PDAP1: variants seen among roughly 807,000 people sequenced by gnomAD.
PDAP1 encodes the protein 28 kDa heat- and acid-stable phosphoprotein.
Under a neutral mutation model 28.0 loss-of-function variants are expected in PDAP1, and 13 were observed. The observed-to-expected ratio is 0.46, with a 90% CI of 0.30 to 0.74. PDAP1 has a LOEUF of 0.74. Ranked by LOEUF, PDAP1 falls within the 30% of genes least tolerant of loss-of-function variation. The probability of loss-of-function intolerance (pLI) is 0.07; values close to 1 mark genes in which losing one functional copy is unlikely to be tolerated. For synonymous variants in PDAP1, 77 were observed against 85.1 expected, an observed-to-expected ratio of 0.91 and a Z score of 0.52; for missense variants, 150 against 230.0, an observed-to-expected ratio of 0.65 and a Z score of 2.25.
At chr7:99,407,603 G>A (rs369025580) in intron 1 of PDAP1, among the ~76,000 whole-genome samples, 1 of 152,190 alleles carries the variant, frequency 6.6e-6, no homozygotes, top group South Asian at 2.1e-4. Context: ...GCCAGGAGGT[G>A]GCCAGGCACT....
chr7:99,396,748 G>T lies in PDAP1; in HGVS notation c.488-8C>A. 1 of 1,611,030 alleles carries T rather than the reference G, an allele frequency of 6.2e-7. No individual in the cohort carries two copies. The highest frequency in any genetic ancestry group is 1.3e-5 in the African/African-American group (1 of 74,940). Reference sequence around the variant, plus strand: ...ATGTGGCATCGTCTTTTGCTGAGGGGTGGGAGAAGGGCAGGGGTTAAAACA... The same window carrying T: ...ATGTGGCATCGTCTTTTGCTGAGGGTTGGGAGAAGGGCAGGGGTTAAAACA... On this transcript the variant is annotated splice_region_variant and splice_polypyrimidine_tract_variant and intron_variant, in intron 5 of 5. Transcript: ENST00000350498.
chr7:99,408,269 A>G lies in PDAP1; in HGVS notation c.13+267T>C, dbSNP rs1434993885. Among the ~76,000 whole-genome samples, 3 of 152,002 alleles carry G rather than the reference A, an allele frequency of 2.0e-5. No individual in the cohort carries two copies. The East Asian group carries it at 5.8e-4, about 29-fold the overall frequency. ...ATTCCAGAACCCCTAGACCCGGAGAAGCGCATCCTAGATCCGGCTTTCTAG... is the reference window on the plus strand; with the variant it reads ...ATTCCAGAACCCCTAGACCCGGAGAGGCGCATCCTAGATCCGGCTTTCTAG... On this transcript the variant is annotated intron_variant, in intron 1 of 5. Transcript: ENST00000350498.
intron 5 of PDAP1, 145 bp downstream of exon 5, chr7:99,397,717 G>A (rs1303383043): frequency 3.4e-6 from 3 of 891,614 alleles, no homozygotes; most frequent in Non-Finnish European, 5.0e-6. Flanking sequence ...CACAGGGAGG[G>A]TGGCCCTCTC....
chr7:99,400,485 C>T, intron 3 of PDAP1, 61 bp from the exon 4 acceptor site: 2 of 1,597,224 alleles, frequency 1.3e-6, no homozygotes, highest in Non-Finnish European at 1.7e-6. Flanking sequence ...CTGAGGGCCA[C>T]TCCTGCCATC....
At chr7:99,405,359 C>CTTT (rs869126629) in intron 1 of PDAP1, among the ~76,000 whole-genome samples, 1 of 137,014 alleles carries the variant, frequency 7.3e-6, no homozygotes, top group Non-Finnish European at 1.6e-5. Flanking sequence ...GCCAGGGGCA[C>CTTT]TTTTTTTTTT....
intron 4 of PDAP1, 83 bp from the exon 5 acceptor site, chr7:99,398,096 G>A: frequency 6.5e-7 from 1 of 1,535,062 alleles, no homozygotes; most frequent in East Asian, 2.3e-5. Flanking sequence ...AAAGGCCAAG[G>A]ATTCGGCCTA....
intron 3 of PDAP1, among the ~76,000 whole-genome samples, chr7:99,402,246 AAAG>A: frequency 6.6e-6 from 1 of 150,426 alleles, no homozygotes; most frequent in African/African-American, 2.4e-5. Context: ...AAAAAAAAAA[AAAG>A]CATATCTGGT....
At chr7:99,402,573 C>CAAAAA (rs58448407) in intron 3 of PDAP1, among the ~76,000 whole-genome samples, 1 of 56,644 alleles carries the variant, frequency 1.8e-5, no homozygotes, top group African/African-American at 6.0e-5. Context: ...GACCCTGTCT[C>CAAAAA]AAAAAAAAAA....
chr7:99,407,795 G>A (rs890487326), intron 1 of PDAP1, among the ~76,000 whole-genome samples: 1 of 152,172 alleles, frequency 6.6e-6, no homozygotes, highest in Non-Finnish European at 1.5e-5. Context: ...CGGGCTAGAA[G>A]ATAGAGGACG....
At chr7:99,402,100 T>G (rs1051022072) in intron 3 of PDAP1, among the ~76,000 whole-genome samples, 2 of 151,424 alleles carry the variant, frequency 1.3e-5, no homozygotes, top group Non-Finnish European at 2.9e-5. Context: ...AAACGCTACC[T>G]CTACGGTAGT....
intron 2 of PDAP1, among the ~76,000 whole-genome samples, 176 bp from the exon 3 acceptor site, chr7:99,403,681 G>A (rs1794920873): frequency 6.6e-6 from 1 of 152,166 alleles, no homozygotes; most frequent in African/African-American, 2.4e-5. Flanking sequence ...ACCTGGGCCA[G>A]ACACAGGCAG....
At position 99,396,592 on chromosome 7, in the gene PDAP1, C is replaced by CA; in HGVS notation, c.*89dup. The CA allele has an allele frequency of 1.1e-6, 1 of 906,156 alleles. No individual in the cohort carries two copies. Among genetic ancestry groups the CA allele is most frequent in the Non-Finnish European group, 1.7e-6 (1 of 586,542 alleles). 56.1% of individuals were successfully genotyped at this position (906,156 alleles called of 1,614,324 possible). On this transcript the variant is annotated 3_prime_UTR_variant, in exon 6 of 6. Coordinates refer to ENST00000350498, the MANE Select transcript of PDAP1 (RefSeq NM_014891.7). ...GGCTCCTGGCCATGAGGGGCTGTTGCAGCGGCGCCAGGGCACAGGGTGGGC... is the reference window on the plus strand; with the variant it reads ...GGCTCCTGGCCATGAGGGGCTGTTGCAAGCGGCGCCAGGGCACAGGGTGGGC...
intron 1 of PDAP1, among the ~76,000 whole-genome samples, chr7:99,407,945 C>G (rs1584424873): frequency 6.6e-6 from 1 of 152,180 alleles, no homozygotes; most frequent in African/African-American, 2.4e-5. Context: ...CGTGGATTAC[C>G]TAGTTGAAGC....
Position 99,394,786 on chromosome 7 carries a change from A to G in PDAP1, c.*1896T>C, listed in dbSNP as rs1283036672. ...TAATAAAATGCAACTGTGTAAAAAA[A>G]AAAAAAAAAAAAAAAGTAATTATGG... On this transcript the variant is annotated 3_prime_UTR_variant, in exon 6 of 6. Coordinates refer to ENST00000350498, the MANE Select transcript of PDAP1 (RefSeq NM_014891.7). The G allele has an allele frequency of 8.1e-7, 1 of 1,228,890 alleles. No individual in the cohort carries two copies. The highest frequency in any genetic ancestry group is 1.0e-6 in the Non-Finnish European group (1 of 986,058). The allele number at this position is 1,228,890 out of a possible 1,614,324, so 76.1% of individuals were successfully genotyped here. A position where few individuals can be genotyped will look rare whatever the true frequency, so the allele number is the denominator to read the frequency against.
chr7:99,396,710 C>T lies in PDAP1; in HGVS notation c.518G>A (p.Arg173Gln), dbSNP rs1794772717. ...CTTATTCAGGGAGAGTGACTGCATT[C>T]GTTTTCCTGACAATGTGGCATCGTC... ...AKDDATLSGK[R>Q]MQSLSLNK Residue 173 changes from arginine to glutamine, a missense_variant, in exon 6 of 6, where the codon CGA (arginine) becomes CAA (glutamine). Transcript: ENST00000350498. 3.7e-6 allele frequency: 6 copies of T among 1,611,984 alleles called. No homozygotes were observed. Among genetic ancestry groups the T allele is most frequent in the South Asian group, 2.2e-5 (2 of 90,992 alleles).
intron 3 of PDAP1, among the ~76,000 whole-genome samples, chr7:99,401,686 G>A (rs938456301): frequency 6.7e-6 from 1 of 150,270 alleles, no homozygotes; most frequent in African/African-American, 2.4e-5. Flanking sequence ...TCTCCATGAA[G>A]AAGCTAAAAT....
chr7:99,398,505 A>G (rs1159727257), intron 4 of PDAP1, among the ~76,000 whole-genome samples: 1 of 152,240 alleles, frequency 6.6e-6, no homozygotes, highest in Non-Finnish European at 1.5e-5. Flanking sequence ...CTGCCTGGGC[A>G]ATATAGCAAG....
In PDAP1 at chr7:99,396,739, T is replaced by C. The variant is rs1794773467; in HGVS notation, c.489A>G (p.Ala163=). 2 of 1,611,976 alleles carry C rather than the reference T, an allele frequency of 1.2e-6. No homozygotes were observed. The highest frequency in any genetic ancestry group is 2.2e-5 in the East Asian group (1 of 44,890). Residue 163 remains alanine (A), a splice_region_variant and synonymous_variant, in exon 6 of 6, where the codon GCA becomes GCG. Coordinates refer to ENST00000350498, the MANE Select transcript of PDAP1 (RefSeq NM_014891.7). Reference sequence around the variant, plus strand: ...TTCCTGACAATGTGGCATCGTCTTTTGCTGAGGGGTGGGAGAAGGGCAGGG... The same window carrying C: ...TTCCTGACAATGTGGCATCGTCTTTCGCTGAGGGGTGGGAGAAGGGCAGGG... ...AARKKEEERK[A]KDDATLSGKR...
chr7:99,408,229 C>T (rs1426120831), intron 1 of PDAP1, among the ~76,000 whole-genome samples: 2 of 152,104 alleles, frequency 1.3e-5, no homozygotes, highest in African/African-American at 4.8e-5. Flanking sequence ...CCTAGCCAGC[C>T]AAAGAGTGGG....
Sources: gnomAD v4.1 joint callset for allele counts (sites outside exome capture counted in the v4.1 genomes callset) on GRCh38, gnomAD v4.1.1 for gene constraint, MANE v1.5 for transcripts, NCBI Gene and HGNC (gene_info 2026-07-23, HGNC 2026-07-21) for gene names.